NELL1: variants seen among roughly 807,000 people sequenced by gnomAD.
The protein encoded by NELL1 is protein kinase C-binding protein NELL1.
In NELL1, 76 loss-of-function variants were observed where a neutral mutation model predicts 107.4. The observed-to-expected ratio is 0.71, with a 90% confidence interval of 0.59 to 0.86. The LOEUF (loss-of-function observed/expected upper bound fraction) is 0.86, where lower values mean the gene tolerates loss of function less well. NELL1 is among the 40% of genes least tolerant of loss of function. NELL1 has a pLI of 0.00. For synonymous variants in NELL1, 353 were observed against 341.2 expected (o/e 1.03, Z -0.38); for missense variants, 1,024 against 1,005.5 (o/e 1.02, Z -0.25).
chr11:21,234,915 G>T (rs932343726), intron 14 of NELL1, among the ~76,000 whole-genome samples: 9 of 152,164 alleles, frequency 5.9e-5, no homozygotes, highest in Non-Finnish European at 1.0e-4. Flanking sequence ...TGAGAGAAAG[G>T]GAGAGGGAGA....
At chr11:20,986,916 T>A (rs1470798728) in intron 12 of NELL1, among the ~76,000 whole-genome samples, 4 of 152,234 alleles carry the variant, frequency 2.6e-5, no homozygotes, top group Non-Finnish European at 5.9e-5. Flanking sequence ...AAGAAAGCAT[T>A]TTCTATGTAA....
intron 2 of NELL1, among the ~76,000 whole-genome samples, chr11:20,766,937 T>C (rs1856545312): frequency 1.3e-5 from 2 of 152,128 alleles, no homozygotes. Flanking sequence ...AAAGATGGGG[T>C]TTCACTGTGT....
chr11:21,060,888 A>G (rs1387916385), intron 12 of NELL1, among the ~76,000 whole-genome samples: 1 of 152,124 alleles, frequency 6.6e-6, no homozygotes, highest in African/African-American at 2.4e-5. Flanking sequence ...GGTGTGCACC[A>G]CTATGCCTGG....
At chr11:20,694,385 T>C (rs1854557137) in intron 2 of NELL1, among the ~76,000 whole-genome samples, 1 of 152,098 alleles carries the variant, frequency 6.6e-6, no homozygotes. Flanking sequence ...CTTCTAGGAT[T>C]TTTATAGTTT....
rs75975418 is a variant in NELL1, at chr11:21,147,454, C to T, written c.1426+33740C>T. ...ATACACAGCTATCTTAGCTCTGCTT[C>T]GAAGACACAAGCTGGGGCCCAGATT... On this transcript the variant is annotated intron_variant, in intron 13 of 19. Transcript: ENST00000357134. Among the ~76,000 whole-genome samples, 1,434 of 152,174 alleles carry T rather than the reference C, an allele frequency of 9.4e-3. 51 individuals are homozygous for T. The highest frequency in any genetic ancestry group is 0.072 in the Admixed American group (1,094 of 15,284).
At chr11:20,829,250 G>A (rs1488507989) in intron 3 of NELL1, among the ~76,000 whole-genome samples, 9 of 130,336 alleles carry the variant, frequency 6.9e-5, no homozygotes, top group South Asian at 2.4e-4. Context: ...TTTTTGAGAC[G>A]GAGTCTTGTT....
intron 15 of NELL1, among the ~76,000 whole-genome samples, chr11:21,383,278 T>G (rs982531525): frequency 2.0e-5 from 3 of 146,802 alleles, no homozygotes; most frequent in African/African-American, 5.0e-5. Context: ...TCGGTTTTTT[T>G]GGGCTAACGT....
intron 2 of NELL1, among the ~76,000 whole-genome samples, chr11:20,695,940 A>T (rs1854603485): frequency 6.6e-6 from 1 of 151,850 alleles, no homozygotes; most frequent in South Asian, 2.1e-4. Flanking sequence ...TTTTAAAATT[A>T]CTTATTCAAT....
intron 15 of NELL1, among the ~76,000 whole-genome samples, chr11:21,515,735 C>T (rs369732973): frequency 2.6e-5 from 4 of 152,186 alleles, no homozygotes; most frequent in Admixed American, 1.3e-4. Context: ...CAAGGCACAG[C>T]ATTTCACATC....
intron 13 of NELL1, among the ~76,000 whole-genome samples, chr11:21,190,579 G>A (rs1234702679): frequency 6.6e-6 from 1 of 151,702 alleles, no homozygotes; most frequent in East Asian, 1.9e-4. Flanking sequence ...GAATTTCCTA[G>A]CATGTTGCAG....
intron 14 of NELL1, among the ~76,000 whole-genome samples, chr11:21,327,673 A>T (rs181436617): frequency 6.6e-6 from 1 of 152,302 alleles, no homozygotes; most frequent in African/African-American, 2.4e-5. Flanking sequence ...AAAAGTTTGG[A>T]GGTCTCAGAA....
chr11:21,503,740 T>C (rs1282379495), intron 15 of NELL1, among the ~76,000 whole-genome samples: 4 of 152,204 alleles, frequency 2.6e-5, no homozygotes, highest in East Asian at 1.9e-4. Flanking sequence ...AGCAAGACCC[T>C]GCAAATAATG....
intron 13 of NELL1, among the ~76,000 whole-genome samples, chr11:21,195,193 G>T (rs1339980480): frequency 2.6e-5 from 4 of 152,120 alleles, no homozygotes; most frequent in African/African-American, 9.7e-5. Context: ...ACATGCTTAA[G>T]AAATTATTGC....
chr11:21,143,607 A>G (rs1855914479), intron 13 of NELL1, among the ~76,000 whole-genome samples: 1 of 152,184 alleles, frequency 6.6e-6, no homozygotes, highest in Non-Finnish European at 1.5e-5. Flanking sequence ...CACTTCATTA[A>G]ACAGTAGAAC....
intron 15 of NELL1, among the ~76,000 whole-genome samples, chr11:21,427,700 T>C (rs959441187): frequency 6.6e-6 from 1 of 152,086 alleles, no homozygotes; most frequent in African/African-American, 2.4e-5. Flanking sequence ...TGAGACCCCA[T>C]TCTCCACACA....
At chr11:21,213,339 A>C (rs1857543343) in intron 13 of NELL1, among the ~76,000 whole-genome samples, 2 of 152,198 alleles carry the variant, frequency 1.3e-5, no homozygotes, top group African/African-American at 4.8e-5. Context: ...TTCCTAAAAA[A>C]ATTCCAACAA....
intron 14 of NELL1, among the ~76,000 whole-genome samples, chr11:21,267,440 C>T (rs1024561956): frequency 1.3e-5 from 2 of 151,746 alleles, no homozygotes; most frequent in African/African-American, 2.4e-5. Context: ...TTTTTCTCTC[C>T]AAGAAATGAT....
chr11:21,318,692 C>T (rs1482283057), intron 14 of NELL1, among the ~76,000 whole-genome samples: 1 of 151,946 alleles, frequency 6.6e-6, no homozygotes, highest in African/African-American at 2.4e-5. Flanking sequence ...ACTTTCAACA[C>T]ATAGTAGGTA....
intron 14 of NELL1, among the ~76,000 whole-genome samples, chr11:21,299,511 A>ATGTGTGTGTGTGTG (rs71063696): frequency 5.1e-5 from 7 of 136,396 alleles, no homozygotes; most frequent in Non-Finnish European, 3.1e-5. Context: ...ATTGTCTTAT[A>ATGTGTGTGTGTGTG]TGTGTGTGTG....
Sources: allele counts gnomAD v4.1 joint callset (sites outside exome capture counted in the v4.1 genomes callset), GRCh38; gene constraint gnomAD v4.1.1; transcripts MANE v1.5; gene names NCBI Gene and HGNC (gene_info 2026-07-23, HGNC 2026-07-21).